OTOGL: variants seen among roughly 807,000 people sequenced by gnomAD.
The protein encoded by OTOGL is otogelin-like protein.
Under a neutral mutation model 318.5 loss-of-function variants are expected in OTOGL, and 285 were observed. The observed-to-expected ratio is 0.89, with a 90% confidence interval of 0.81 to 0.99. The LOEUF is 0.99. Among genes scored for constraint, OTOGL ranks in the 50% least tolerant of loss-of-function variants. The pLI is 0.00. For synonymous variants in OTOGL, 987 were observed against 936.5 expected, an observed-to-expected ratio of 1.05 and a Z score of -0.99; for missense variants, 2,899 against 2,845.6, an observed-to-expected ratio of 1.02 and a Z score of -0.43.
At position 80,263,901 on chromosome 12, in the gene OTOGL, C is replaced by A. The variant is rs567049391; in HGVS notation, c.2015-1100C>A. On this transcript the variant is annotated intron_variant, in intron 19 of 58. Coordinates refer to ENST00000547103, the MANE Select transcript of OTOGL (RefSeq NM_001378609.3). ...TGTATTACTTTGCTCTTTCAGGATC[C>A]TTGGCATTAAGAATATATATGTAAA... is the stretch of plus-strand genomic sequence containing the variant. Among the ~76,000 whole-genome samples, 5 of 152,022 alleles carry A rather than the reference C, an allele frequency of 3.3e-5. No individual in the cohort carries two copies. The East Asian group carries it at 9.7e-4, about 29-fold the overall frequency.
intron 1 of OTOGL, among the ~76,000 whole-genome samples, chr12:80,174,837 A>G (rs1004331876): frequency 2.0e-5 from 3 of 152,120 alleles, no homozygotes; most frequent in Admixed American, 6.6e-5. Context: ...GGCTTAATTA[A>G]TCTTTTTAAT....
intron 1 of OTOGL, among the ~76,000 whole-genome samples, chr12:80,174,356 G>T (rs529651083): frequency 1.4e-4 from 22 of 152,084 alleles, no homozygotes; most frequent in African/African-American, 4.3e-4. Context: ...TTTTTCTCTC[G>T]CCAGTCTCCC....
In OTOGL at chr12:80,115,911, T is replaced by C. The variant is rs1870130643; in HGVS notation, c.-20+16306T>C. The stretch of plus-strand genomic sequence containing the variant: ...TGGACACCCCTCCCCCCACCAAGCT[T>C]CAGTGTCCCAAGTTGACTTCAGACT... On this transcript the variant is annotated intron_variant, in intron 1 of 58. Coordinates refer to ENST00000547103, the MANE Select transcript of OTOGL (RefSeq NM_001378609.3). 3.3e-5 allele frequency among the ~76,000 whole-genome samples: 5 copies of C among 152,134 alleles called. No homozygotes were observed. In the South Asian group the frequency reaches 1.0e-3, roughly 31 times the overall value.
intron 26 of OTOGL, among the ~76,000 whole-genome samples, chr12:80,286,348 T>C (rs1390286504): frequency 6.6e-6 from 1 of 152,174 alleles, no homozygotes; most frequent in Non-Finnish European, 1.5e-5. Context: ...TTTTGTTGTG[T>C]TTCTGCCGGG....
In OTOGL at chr12:80,335,544, T is replaced by C. The variant is rs572718830; in HGVS notation, c.4423-419T>C. Among the ~76,000 whole-genome samples the C allele has an allele frequency of 2.0e-5, 3 of 152,240 alleles. No individual in the cohort carries two copies. In the South Asian group the frequency reaches 6.2e-4, roughly 32 times the overall value. ...TGTGAAACTGATGTTATATATAAAA[T>C]TTTAATAAAGTATTTAAATAGCATT... On this transcript the variant is annotated intron_variant, in intron 38 of 58. Transcript: ENST00000547103.
At chr12:80,251,239 A>T (rs968723455) in intron 11 of OTOGL, among the ~76,000 whole-genome samples, 5 of 152,218 alleles carry the variant, frequency 3.3e-5, no homozygotes, top group Non-Finnish European at 5.9e-5. Context: ...GTATGTGGAT[A>T]ATCAAGAGTA....
intron 8 of OTOGL, among the ~76,000 whole-genome samples, chr12:80,231,847 C>T (rs985586173): frequency 6.6e-6 from 1 of 150,756 alleles, no homozygotes; most frequent in African/African-American, 2.4e-5. Context: ...CTGTGTTGGC[C>T]AGTCTGGTCT....
intron 1 of OTOGL, among the ~76,000 whole-genome samples, chr12:80,164,140 A>C (rs1873696759): frequency 6.6e-6 from 1 of 152,180 alleles, no homozygotes; most frequent in African/African-American, 2.4e-5. Context: ...TTCACCTATA[A>C]GCAGAGATTA....
intron 46 of OTOGL, among the ~76,000 whole-genome samples, chr12:80,355,040 G>A (rs1056250929): frequency 1.3e-5 from 2 of 151,918 alleles, no homozygotes; most frequent in Non-Finnish European, 1.5e-5. Flanking sequence ...AACAGTTACT[G>A]TTTTCAAACT....
intron 1 of OTOGL, among the ~76,000 whole-genome samples, chr12:80,188,268 G>A (rs1019805853): frequency 2.6e-5 from 4 of 151,986 alleles, no homozygotes; most frequent in African/African-American, 9.7e-5. Flanking sequence ...AGAGGTGAGC[G>A]GTGGTTCATG....
chr12:80,356,329 G>C, intron 47 of OTOGL, 87 bp from the exon 48 acceptor site: 2 of 995,028 alleles, frequency 2.0e-6, no homozygotes, highest in Non-Finnish European at 3.0e-6. Flanking sequence ...TGAGTTTCCT[G>C]TCTTGAGTTG....
chr12:80,328,883 C>CT, intron 36 of OTOGL, 139 bp downstream of exon 36: 8 of 1,026,510 alleles, frequency 7.8e-6, no homozygotes, highest in Non-Finnish European at 9.9e-6. Flanking sequence ...TCTTACATAG[C>CT]TTTTTTTCCC....
intron 1 of OTOGL, among the ~76,000 whole-genome samples, chr12:80,123,814 C>A (rs1870637167): frequency 6.6e-6 from 1 of 152,026 alleles, no homozygotes; most frequent in South Asian, 2.1e-4. Context: ...TTTCATGTGT[C>A]TTTTGGCTAC....
intron 1 of OTOGL, among the ~76,000 whole-genome samples, chr12:80,113,293 G>C (rs1869960816): frequency 6.6e-6 from 1 of 151,916 alleles, no homozygotes; most frequent in African/African-American, 2.4e-5. Context: ...TCTTCTTCTA[G>C]CTTTTGAATT....
chr12:80,253,722 G>A, intron 14 of OTOGL, 148 bp downstream of exon 14: 1 of 610,046 alleles, frequency 1.6e-6, no homozygotes, highest in Non-Finnish European at 2.8e-6. Context: ...CTCCTTGGGG[G>A]AAGGGACATC....
chr12:80,127,751 T>C (rs1427057319), intron 1 of OTOGL, among the ~76,000 whole-genome samples: 2 of 152,234 alleles, frequency 1.3e-5, no homozygotes, highest in African/African-American at 4.8e-5. Flanking sequence ...TTTTATTCTT[T>C]TTTCTCTAAA....
chr12:80,212,102 C>A, intron 4 of OTOGL, 105 bp downstream of exon 4: 2 of 1,179,072 alleles, frequency 1.7e-6, no homozygotes, highest in Non-Finnish European at 2.4e-6. Flanking sequence ...GAATAAAATG[C>A]TAAGAACAAG....
Position 80,369,038 on chromosome 12 carries a change from T to TAC in OTOGL, c.6615+735_6615+736dup, listed in dbSNP as rs1412931882. Among the ~76,000 whole-genome samples the TAC allele has an allele frequency of 2.6e-5, 4 of 152,040 alleles. No homozygotes were observed. The East Asian group carries it at 7.7e-4, about 29-fold the overall frequency. On this transcript the variant is annotated intron_variant, in intron 55 of 58. Coordinates refer to ENST00000547103, the MANE Select transcript of OTOGL (RefSeq NM_001378609.3). The stretch of plus-strand genomic sequence containing the variant: ...AGGAAAAAAATATATATATGTATAA[T>TAC]ACACACATATATTTTTATTATGTAC...
chr12:80,368,389 C>CA, intron 55 of OTOGL, 80 bp downstream of exon 55: 1 of 882,234 alleles, frequency 1.1e-6, no homozygotes, highest in Non-Finnish European at 1.8e-6. Flanking sequence ...AATGTCCCCC[C>CA]CCACACACAC....
Sources: allele counts gnomAD v4.1 joint callset (sites outside exome capture counted in the v4.1 genomes callset), GRCh38; gene constraint gnomAD v4.1.1; transcripts MANE v1.5; gene names NCBI Gene and HGNC (gene_info 2026-07-23, HGNC 2026-07-21).